DPP8: variants seen among roughly 807,000 people sequenced by gnomAD.
DPP8 encodes the protein DPP VIII.
A neutral mutation model predicts 107.5 loss-of-function variants in DPP8; 31 were observed. The observed-to-expected ratio is 0.29, with a 90% CI of 0.22 to 0.39. The LOEUF is 0.39. DPP8 is among the 10% of genes least tolerant of loss of function. The pLI is 1.00. For missense variants in DPP8, 842 were observed against 1,076.1 expected (o/e 0.78, Z 3.04); for synonymous variants, 381 against 356.6 (o/e 1.07, Z -0.77).
chr15:65,485,363 G>A (rs765573685), intron 7 of DPP8, among the ~76,000 whole-genome samples: 55 of 151,600 alleles, frequency 3.6e-4, no homozygotes, highest in Admixed American at 6.6e-4. Context: ...GGCCAACATG[G>A]TGAAACTCCA....
intron 11 of DPP8, chr15:65,475,575 G>A: frequency 8.2e-7 from 1 of 1,212,446 alleles, no homozygotes; most frequent in Non-Finnish European, 1.2e-6. Context: ...GGACTGGCTT[G>A]ACTCCCTGGC....
At chr15:65,501,577 A>C (rs1026688572) in intron 3 of DPP8, among the ~76,000 whole-genome samples, 1 of 152,224 alleles carries the variant, frequency 6.6e-6, no homozygotes, top group African/African-American at 2.4e-5. Flanking sequence ...ATTTAGATAA[A>C]ATATGTACAA....
chr15:65,475,041 G>C (rs868742832), intron 11 of DPP8, among the ~76,000 whole-genome samples: 7 of 152,140 alleles, frequency 4.6e-5, no homozygotes, highest in Middle Eastern at 3.4e-3. Flanking sequence ...TGTTTCTGTT[G>C]ATTTCTCTTT....
At position 65,463,925 on chromosome 15, in the gene DPP8, A is replaced by T. The variant is rs748048066; in HGVS notation, c.1826-19T>A. On this transcript the variant is annotated intron_variant, in intron 14 of 19. Transcript: ENST00000300141. ...AGAGGACCTGTGAATAGGTAACATA[A>T]CAGAGTCTACAAAAGAGTTCTTATG... 6 of 1,524,100 alleles carry T rather than the reference A, an allele frequency of 3.9e-6. No homozygotes were observed. Among genetic ancestry groups the T allele is most frequent in the Middle Eastern group, 1.8e-4 (1 of 5,684 alleles). The allele number at this position is 1,524,100 out of a possible 1,614,324, so 94.4% of individuals were successfully genotyped here. A position where few individuals can be genotyped will look rare whatever the true frequency, so the allele number is the denominator to read the frequency against.
chr15:65,455,131 C>G (rs1394111339), intron 16 of DPP8, among the ~76,000 whole-genome samples: 1 of 152,160 alleles, frequency 6.6e-6, no homozygotes, highest in East Asian at 1.9e-4. Flanking sequence ...TTTTACTTTT[C>G]CTTTTTATCT....
chr15:65,450,270 T>C (rs1298020226), intron 19 of DPP8, among the ~76,000 whole-genome samples: 1 of 152,156 alleles, frequency 6.6e-6, no homozygotes. Flanking sequence ...GCCGGGCTGA[T>C]AGTTTATTAT....
chr15:65,512,572 A>C lies in DPP8; in HGVS notation c.-11-8T>G, dbSNP rs1483415173. 6.8e-6 allele frequency: 11 copies of C among 1,613,858 alleles called. No individual in the cohort carries two copies. The South Asian group carries it at 9.9e-5, about 14-fold the overall frequency. ...CTGCCATGTTGCATTTTCCTAGAAAAACAAGGCACATGAAGCTGTTCACGG... is the reference window on the plus strand; with the variant it reads ...CTGCCATGTTGCATTTTCCTAGAAACACAAGGCACATGAAGCTGTTCACGG... On this transcript the variant is annotated splice_region_variant and splice_polypyrimidine_tract_variant and intron_variant, in intron 1 of 19. Coordinates refer to ENST00000300141, the MANE Select transcript of DPP8 (RefSeq NM_130434.5).
rs1203113131 is a variant in DPP8 at position 65,481,611 on chromosome 15, A to C, written c.1022T>G (p.Ile341Arg). 3.5e-6 allele frequency: 5 copies of C among 1,445,800 alleles called. No homozygotes were observed. The highest frequency in any genetic ancestry group is 1.5e-5 in the African/African-American group (1 of 68,400). 89.6% of individuals were successfully genotyped at this position (1,445,800 alleles called of 1,614,324 possible). ...AATTAGTTCCTTATCTATGACATCT[A>C]TGATCTATTAAAAAAGAAAAAAAAA... is the stretch of plus-strand genomic sequence containing the variant. ...EIMIDAEGRI[I>R]DVIDKELIQP... The change falls in exon 9 of 20, where the codon ATA (isoleucine) becomes AGA (arginine). Residue 341 changes from isoleucine to arginine, a missense_variant. This residue lies in a region of DPP8 where 663 missense variants were observed against 758.0 expected (regional missense o/e 0.87). Coordinates refer to ENST00000300141, the MANE Select transcript of DPP8 (RefSeq NM_130434.5).
At chr15:65,471,784 A>G (rs1487806842) in intron 12 of DPP8, among the ~76,000 whole-genome samples, 1 of 152,180 alleles carries the variant, frequency 6.6e-6, no homozygotes, top group African/African-American at 2.4e-5. Context: ...TACCATGCCC[A>G]GCAGATACTC....
rs893079785 is a variant in DPP8 at position 65,517,637 on chromosome 15, G to C, written c.-163C>G. The C allele has an allele frequency of 6.6e-6, 1 of 152,594 alleles. No homozygotes were observed. Among genetic ancestry groups the C allele is most frequent in the African/African-American group, 2.4e-5 (1 of 41,488 alleles). The allele number at this position is 152,594 out of a possible 1,614,324, so 9.5% of individuals were successfully genotyped here. ...ACCCAGGCGGCGAACGCGGCACTAA[G>C]AAGCAGCGGCGGCAGTAGCAGCGGC... On this transcript the variant is annotated 5_prime_UTR_variant, in exon 1 of 20. Coordinates refer to ENST00000300141, the MANE Select transcript of DPP8 (RefSeq NM_130434.5).
At chr15:65,480,623 T>C (rs1312219444) in intron 9 of DPP8, among the ~76,000 whole-genome samples, 1 of 152,192 alleles carries the variant, frequency 6.6e-6, no homozygotes, top group African/African-American at 2.4e-5. Context: ...AAAACCATAG[T>C]TGGCCTGTGA....
At chr15:65,476,295 T>C (rs1249528926) in intron 11 of DPP8, among the ~76,000 whole-genome samples, 1 of 152,138 alleles carries the variant, frequency 6.6e-6, no homozygotes, top group African/African-American at 2.4e-5. Flanking sequence ...TTTAGTACTT[T>C]AAATACTATA....
chr15:65,485,207 C>CAA, intron 7 of DPP8, 47 bp from the exon 8 acceptor site: 2 of 1,420,818 alleles, frequency 1.4e-6, no homozygotes, highest in Non-Finnish European at 2.0e-6. Flanking sequence ...CAAAATTACT[C>CAA]AAATTAATTT....
intron 5 of DPP8, among the ~76,000 whole-genome samples, chr15:65,493,114 G>C (rs1258582535): frequency 6.6e-6 from 1 of 150,490 alleles, no homozygotes; most frequent in Non-Finnish European, 1.5e-5. Context: ...ACGGAGTTTT[G>C]CTCTTGTTGC....
chr15:65,512,469 G>C lies in DPP8; in HGVS notation c.85C>G (p.Arg29Gly), dbSNP rs769647476. The change falls in exon 2 of 20, where the codon CGG becomes GGG. Residue 29 changes from arginine to glycine, a missense_variant. By Grantham distance (125) the Arg-to-Gly change is moderately radical (BLOSUM62 -2). This residue lies in a region of DPP8 where 663 missense variants were observed against 758.0 expected (regional missense o/e 0.87). Transcript: ENST00000300141. ...DCEENIESQD[R>G]PKLEPFYVER... Reference sequence around the variant, plus strand: ...ACATAAAAAGGCTCCAATTTAGGCCGATCCTGTGATTCAATATTCTCCTCA... The same window carrying C: ...ACATAAAAAGGCTCCAATTTAGGCCCATCCTGTGATTCAATATTCTCCTCA... 39 of 1,613,964 alleles carry C rather than the reference G, an allele frequency of 2.4e-5. No homozygotes were observed. The Middle Eastern group carries it at 8.2e-4, about 34-fold the overall frequency.
At chr15:65,454,532 T>G (rs2064239748) in intron 16 of DPP8, 117 bp from the exon 17 acceptor site, 16 of 943,780 alleles carry the variant, frequency 1.7e-5, no homozygotes, top group Admixed American at 3.5e-5. Flanking sequence ...AATTTTTATT[T>G]TATTTATTTT....
In DPP8 at chr15:65,478,979, C is replaced by A; in HGVS notation, c.1357G>T (p.Ala453Ser). The A allele has an allele frequency of 6.3e-7, 1 of 1,589,098 alleles. No individual in the cohort carries two copies. The highest frequency in any genetic ancestry group is 1.8e-5 in the Admixed American group (1 of 54,686). Reference protein sequence around the residue: ...SHEEEIEFIFASECKTGFRHL... With the variant: ...SHEEEIEFIFSSECKTGFRHL... ...CGGAAACCTGTTTTGCATTCAGAGG[C>A]AAAAATAAACTCAATTTCCTCTTCG... is the stretch of plus-strand genomic sequence containing the variant. Residue 453 changes from alanine to serine, a missense_variant, in exon 11 of 20, where the codon GCC becomes TCC. Coordinates refer to ENST00000300141, the MANE Select transcript of DPP8 (RefSeq NM_130434.5).
chr15:65,492,091 C>T (rs944225721), intron 5 of DPP8, among the ~76,000 whole-genome samples: 5 of 151,384 alleles, frequency 3.3e-5, no homozygotes, highest in Admixed American at 6.6e-5. Context: ...CCTGTAATCC[C>T]AACACTTTGG....
At chr15:65,487,116 T>C (rs1046567255) in intron 7 of DPP8, among the ~76,000 whole-genome samples, 1 of 151,374 alleles carries the variant, frequency 6.6e-6, no homozygotes. Flanking sequence ...ATGAAAAATA[T>C]CACTTAAAAA....
Sources: allele counts gnomAD v4.1 joint callset (sites outside exome capture counted in the v4.1 genomes callset), GRCh38; gene constraint gnomAD v4.1.1; regional missense constraint gnomAD v4.1.1; transcripts MANE v1.5; gene names NCBI Gene and HGNC (gene_info 2026-07-23, HGNC 2026-07-21).